FBLN1: variants seen among roughly 807,000 people sequenced by gnomAD.
FBLN1 encodes fibulin-1.
In FBLN1, 34 loss-of-function variants were observed where a neutral mutation model predicts 89.7. The ratio of observed to expected loss-of-function variants is 0.38; its 90% CI spans 0.29 to 0.50. The LOEUF (loss-of-function observed/expected upper bound fraction) is 0.50. FBLN1 is among the 20% of genes least tolerant of loss of function. The pLI is 0.92. For synonymous variants in FBLN1, 393 were observed against 391.3 expected, an observed-to-expected ratio of 1.00 and a Z score of -0.05; for missense variants, 777 against 988.1, an observed-to-expected ratio of 0.79 and a Z score of 2.86.
At chr22:45,589,491 T>A (rs79930833) in intron 16 of FBLN1, among the ~76,000 whole-genome samples, 4 of 152,218 alleles carry the variant, frequency 2.6e-5, no homozygotes, top group African/African-American at 9.6e-5. Context: ...TCTGGGATGA[T>A]GGCCTGGAAA....
At chr22:45,586,071 G>C (rs1386428114) in intron 16 of FBLN1, among the ~76,000 whole-genome samples, 1 of 152,202 alleles carries the variant, frequency 6.6e-6, no homozygotes, top group Non-Finnish European at 1.5e-5. Context: ...CTACTTCAGT[G>C]AGACACACAG....
intron 14 of FBLN1, among the ~76,000 whole-genome samples, chr22:45,555,047 C>T (rs1349478312): frequency 1.3e-5 from 2 of 150,464 alleles, no homozygotes; most frequent in Non-Finnish European, 2.9e-5. Context: ...GGTTAGGACC[C>T]GTCCCCGTCT....
Position 45,537,001 on chromosome 22 carries a change from C to T in FBLN1, c.922+1664C>T, listed in dbSNP as rs1397320377. Among the ~76,000 whole-genome samples, 4 of 152,182 alleles carry T rather than the reference C, an allele frequency of 2.6e-5. No homozygotes were observed. Among genetic ancestry groups the T allele is most frequent in the Admixed American group, 2.6e-4 (4 of 15,278 alleles). On this transcript the variant is annotated intron_variant, in intron 8 of 16. Transcript: ENST00000327858. This position sits in a 1 kb window ranked among gnomAD's most constrained non-coding sequence, Gnocchi z 5.7. The stretch of plus-strand genomic sequence containing the variant: ...GGTTAACTGCCTGGCTAGGCCGCTG[C>T]AGTCAGCGCTTAAGTCCTGATCCAC...
intron 16 of FBLN1, among the ~76,000 whole-genome samples, chr22:45,599,753 A>T (rs553353924): frequency 6.6e-6 from 1 of 152,122 alleles, no homozygotes. Flanking sequence ...CCCCGTCTCT[A>T]CTAAAAATAT....
At chr22:45,560,298 A>T (rs1296628017) in intron 14 of FBLN1, among the ~76,000 whole-genome samples, 2 of 152,198 alleles carry the variant, frequency 1.3e-5, no homozygotes, top group Non-Finnish European at 2.9e-5. Context: ...ACATACCAAG[A>T]CGAGCAATTA....
In FBLN1 at chr22:45,583,246, A is replaced by G. The variant is rs945161056; in HGVS notation, c.1972+6138A>G. ...GCCCCTCAGCCCCCCAGGCAGCTCT[A>G]AGGGCTCAGCTGCTGCAGGATTCCT... On this transcript the variant is annotated intron_variant, in intron 16 of 16. Transcript: ENST00000327858. This position sits in a 1 kb window ranked among gnomAD's most constrained non-coding sequence, Gnocchi z 4.5. Among the ~76,000 whole-genome samples, 2 of 152,134 alleles carry G rather than the reference A, an allele frequency of 1.3e-5. No individual in the cohort carries two copies. The highest frequency in any genetic ancestry group is 1.3e-4 in the Admixed American group (2 of 15,276).
intron 16 of FBLN1, among the ~76,000 whole-genome samples, chr22:45,596,077 G>A (rs901542071): frequency 3.0e-4 from 45 of 152,184 alleles, no homozygotes; most frequent in Non-Finnish European, 5.4e-4. Flanking sequence ...CACCGTGTTA[G>A]CCAGGATGGT....
chr22:45,547,745 G>T (rs1016599059), intron 12 of FBLN1, among the ~76,000 whole-genome samples: 3 of 151,922 alleles, frequency 2.0e-5, no homozygotes, highest in African/African-American at 7.3e-5. Flanking sequence ...AAGCGTGAGG[G>T]TGGGAAGGCA....
In FBLN1 at chr22:45,533,056, C is replaced by T. The variant is rs755673627; in HGVS notation, c.545-7C>T. The T allele has an allele frequency of 8.1e-6, 13 of 1,613,298 alleles. No homozygotes were observed. In the East Asian group the frequency reaches 2.7e-4, roughly 33 times the overall value. Reference sequence around the variant, plus strand: ...CCATCCCTGGCTCATGCACGCTGTGCTTCCAGGAGGCGGGCCCTGCAAGCA... The same window carrying T: ...CCATCCCTGGCTCATGCACGCTGTGTTTCCAGGAGGCGGGCCCTGCAAGCA... On this transcript the variant is annotated splice_region_variant and splice_polypyrimidine_tract_variant and intron_variant, in intron 5 of 16. Coordinates refer to ENST00000327858, the MANE Select transcript of FBLN1 (RefSeq NM_006486.3).
intron 1 of FBLN1, among the ~76,000 whole-genome samples, chr22:45,507,278 G>A (rs923683751): frequency 6.6e-6 from 1 of 152,204 alleles, no homozygotes; most frequent in Non-Finnish European, 1.5e-5. Context: ...GGTTATTTGC[G>A]GGTTACTACA....
chr22:45,589,906 G>A (rs1339514662), intron 16 of FBLN1, among the ~76,000 whole-genome samples: 3 of 152,150 alleles, frequency 2.0e-5, no homozygotes, highest in South Asian at 2.1e-4. Context: ...AGGTTAACCC[G>A]TTGGGGAAGC....
intron 1 of FBLN1, among the ~76,000 whole-genome samples, chr22:45,505,109 C>T (rs1362354720): frequency 6.6e-6 from 1 of 152,230 alleles, no homozygotes; most frequent in East Asian, 1.9e-4. Context: ...GGGCGCTGAT[C>T]TTTCTTGCCA....
chr22:45,553,385 CA>C (rs1250891994), intron 14 of FBLN1, among the ~76,000 whole-genome samples: 4 of 152,086 alleles, frequency 2.6e-5, no homozygotes, highest in African/African-American at 9.7e-5. Context: ...GCCTGCGTGG[CA>C]GGGGGGGACG....
intron 16 of FBLN1, among the ~76,000 whole-genome samples, chr22:45,598,344 C>T (rs140964926): frequency 2.0e-4 from 31 of 152,340 alleles, no homozygotes; most frequent in African/African-American, 6.7e-4. Context: ...GACCAGAGAG[C>T]CACCTGTTAG....
intron 14 of FBLN1, among the ~76,000 whole-genome samples, chr22:45,552,902 A>G (rs1311756937): frequency 1.3e-5 from 2 of 152,156 alleles, no homozygotes. Context: ...GGCCGGACAC[A>G]TCCTCTTTAT....
rs770736768 is a variant in FBLN1 at position 45,562,935 on chromosome 22, A to T, written c.1698-11576A>T. On this transcript the variant is annotated intron_variant, in intron 14 of 16. Coordinates refer to ENST00000327858, the MANE Select transcript of FBLN1 (RefSeq NM_006486.3). This position sits in a 1 kb window ranked among gnomAD's most constrained non-coding sequence, Gnocchi z 7.8. ...AGCCGCTGTGAGCGCTTGCCTTGCC[A>T]TGAGAATCGGGAGTGCTCCAAGCTG... 13 of 1,613,954 alleles carry T rather than the reference A, an allele frequency of 8.1e-6. No homozygotes were observed. The highest frequency in any genetic ancestry group is 1.0e-5 in the Non-Finnish European group (12 of 1,179,990).
rs748452452 is a variant in FBLN1, at chr22:45,548,770, C to T, written c.1573+26C>T. ...GTGAGCAGGAGGGATGCCCTGGGGT[C>T]CCTCACGCTCTGCTTGGGGCCCTGC... On this transcript the variant is annotated intron_variant, in intron 13 of 16. Coordinates refer to ENST00000327858, the MANE Select transcript of FBLN1 (RefSeq NM_006486.3). 15 of 1,611,058 alleles carry T rather than the reference C, an allele frequency of 9.3e-6. 1 individual carries two copies. In the South Asian group the frequency reaches 1.6e-4, roughly 18 times the overall value.
intron 16 of FBLN1, 69 bp from the exon 17 acceptor site, chr22:45,600,238 C>G: frequency 6.3e-7 from 1 of 1,595,728 alleles, no homozygotes; most frequent in Non-Finnish European, 8.6e-7. Flanking sequence ...TCAAGGGAAA[C>G]CATTTCCCAG....
rs755510801 is a variant in FBLN1 at position 45,590,495 on chromosome 22, G to A, written c.1973-9812G>A. On this transcript the variant is annotated intron_variant, in intron 16 of 16. Transcript: ENST00000327858. The surrounding 1 kb of genome is among the most constrained non-coding windows in gnomAD (Gnocchi z 4.1). ...CGTCTCACCTGCTGTGAGCCCGGGT[G>A]GGGGTAGGGTGAGAAGAGCCCCCTG... is the stretch of plus-strand genomic sequence containing the variant. 6.6e-6 allele frequency among the ~76,000 whole-genome samples: 1 copy of A among 152,206 alleles called. No individual in the cohort carries two copies. Among genetic ancestry groups the A allele is most frequent in the Admixed American group, 6.5e-5 (1 of 15,288 alleles).
Sources: allele counts gnomAD v4.1 joint callset (sites outside exome capture counted in the v4.1 genomes callset), GRCh38; gene constraint gnomAD v4.1.1; non-coding constraint Gnocchi (gnomAD v3.1); transcripts MANE v1.5; gene names NCBI Gene and HGNC (gene_info 2026-07-23, HGNC 2026-07-21).